GNAO1: variants seen among roughly 807,000 people sequenced by gnomAD.
GNAO1 encodes the protein G protein subunit alpha o1, also known as guanine nucleotide-binding protein G(o) subunit alpha.
For missense variants in GNAO1, 166 were observed against 478.7 expected, an observed-to-expected ratio of 0.35 and a Z score of 6.10; for synonymous variants, 164 against 180.7, an observed-to-expected ratio of 0.91 and a Z score of 0.74.
At chr16:56,192,780 C>CGGAG in intron 2 of GNAO1, 164 bp downstream of exon 2, 4 of 616,998 alleles carry the variant, frequency 6.5e-6, no homozygotes, top group Non-Finnish European at 1.2e-5. Context: ...TCCCCCACTC[C>CGGAG]CTACGTTGGT....
At chr16:56,205,835 C>T (rs1431427025) in intron 2 of GNAO1, among the ~76,000 whole-genome samples, 3 of 151,958 alleles carry the variant, frequency 2.0e-5, no homozygotes, top group Non-Finnish European at 4.4e-5. Context: ...TATAGTCATG[C>T]GTTCTAAAGG....
intron 2 of GNAO1, among the ~76,000 whole-genome samples, chr16:56,250,895 A>G (rs1227305298): frequency 2.0e-5 from 3 of 152,222 alleles, no homozygotes; most frequent in African/African-American, 7.2e-5. Context: ...GTTTTGGGGA[A>G]TGGAATATGT....
At chr16:56,256,502 T>G (rs1209191673) in intron 2 of GNAO1, among the ~76,000 whole-genome samples, 1 of 152,102 alleles carries the variant, frequency 6.6e-6, no homozygotes, top group Non-Finnish European at 1.5e-5. Flanking sequence ...CCACACCAGT[T>G]TTTCAGCCTT....
At chr16:56,201,566 G>A (rs900867538) in intron 2 of GNAO1, among the ~76,000 whole-genome samples, 66 of 152,218 alleles carry the variant, frequency 4.3e-4, no homozygotes, top group Non-Finnish European at 7.8e-4. Context: ...TGGAGGTTGG[G>A]AGACCAGATG....
chr16:56,240,449 C>G (rs1343664319), intron 2 of GNAO1, among the ~76,000 whole-genome samples: 1 of 152,150 alleles, frequency 6.6e-6, no homozygotes, highest in East Asian at 1.9e-4. Context: ...AGTTTTCAAC[C>G]ACTTTCCTAG....
intron 3 of GNAO1, among the ~76,000 whole-genome samples, chr16:56,324,562 T>C (rs1376839378): frequency 6.6e-6 from 1 of 152,196 alleles, no homozygotes; most frequent in African/African-American, 2.4e-5. Context: ...TCATAGGCCT[T>C]GCACTGTTTT....
chr16:56,274,204 C>T (rs2037042022), intron 2 of GNAO1, among the ~76,000 whole-genome samples: 1 of 152,198 alleles, frequency 6.6e-6, no homozygotes, highest in Non-Finnish European at 1.5e-5. Flanking sequence ...CTTGGTCTCC[C>T]TTCTCTCAGG....
chr16:56,219,215 C>T (rs1210367272), intron 2 of GNAO1, among the ~76,000 whole-genome samples: 1 of 152,194 alleles, frequency 6.6e-6, no homozygotes, highest in Non-Finnish European at 1.5e-5. Flanking sequence ...CCCACTGGGT[C>T]TTGTTTGAAA....
At chr16:56,256,049 T>C (rs1475661416) in intron 2 of GNAO1, among the ~76,000 whole-genome samples, 1 of 152,204 alleles carries the variant, frequency 6.6e-6, no homozygotes, top group Non-Finnish European at 1.5e-5. Context: ...TTGTGCACTG[T>C]TCGTTCTGAC....
chr16:56,299,396 C>G (rs567430876), intron 3 of GNAO1, among the ~76,000 whole-genome samples: 19 of 152,356 alleles, frequency 1.2e-4, no homozygotes, highest in Non-Finnish European at 2.4e-4. Flanking sequence ...CTAACTCTCT[C>G]AAATAAAAGC....
chr16:56,257,422 G>A (rs537820260), intron 2 of GNAO1, among the ~76,000 whole-genome samples: 2 of 152,294 alleles, frequency 1.3e-5, no homozygotes, highest in South Asian at 4.1e-4. Flanking sequence ...CTTCTTGGCA[G>A]CCAAGGCCAC....
chr16:56,264,331 C>T (rs1246730712), intron 2 of GNAO1, among the ~76,000 whole-genome samples: 6 of 152,248 alleles, frequency 3.9e-5, no homozygotes, highest in African/African-American at 1.2e-4. Context: ...CTGAGCATTA[C>T]GCTGCCGCTG....
Position 56,191,767 on chromosome 16 carries a change from T to C in GNAO1, c.-469T>C. On this transcript the variant is annotated 5_prime_UTR_variant, in exon 1 of 9. Transcript: ENST00000262493. The surrounding 1 kb of genome is among the most constrained non-coding windows in gnomAD (Gnocchi z 4.7). Reference sequence around the variant, plus strand: ...CACATCCCGCGCCGCCGCCGCCGCCTCCTCCACCTCCTCCTCCGCCGCCGC... The same window carrying C: ...CACATCCCGCGCCGCCGCCGCCGCCCCCTCCACCTCCTCCTCCGCCGCCGC... 1 of 214,384 alleles carries C rather than the reference T, an allele frequency of 4.7e-6. No homozygotes were observed. Among genetic ancestry groups the C allele is most frequent in the Admixed American group, 5.5e-5 (1 of 18,284 alleles). The allele number at this position is 214,384 out of a possible 1,614,324, so 13.3% of individuals were successfully genotyped here. A position where few individuals can be genotyped will look rare whatever the true frequency, so the allele number is the denominator to read the frequency against.
chr16:56,325,688 G>C (rs2037624448), intron 3 of GNAO1, among the ~76,000 whole-genome samples: 1 of 152,000 alleles, frequency 6.6e-6, no homozygotes, highest in Non-Finnish European at 1.5e-5. Context: ...ACCTCCTCCA[G>C]TGCTGAGCAT....
intron 5 of GNAO1, 80 bp downstream of exon 5, chr16:56,334,937 G>A (rs2037726348): frequency 8.1e-6 from 12 of 1,477,898 alleles, no homozygotes; most frequent in Non-Finnish European, 1.0e-5. Context: ...TGCGTTTACA[G>A]CGCCCAAACA....
At chr16:56,264,790 TA>T (rs1339650658) in intron 2 of GNAO1, among the ~76,000 whole-genome samples, 1 of 148,596 alleles carries the variant, frequency 6.7e-6, no homozygotes, top group Non-Finnish European at 1.5e-5. Flanking sequence ...AATATATTTT[TA>T]TCGTATAGTA....
intron 3 of GNAO1, among the ~76,000 whole-genome samples, chr16:56,297,392 C>G (rs1355279612): frequency 6.6e-6 from 1 of 152,090 alleles, no homozygotes; most frequent in East Asian, 1.9e-4. Context: ...TGCCCAGCAT[C>G]ACACAGCTGG....
At position 56,357,142 on chromosome 16, in the gene GNAO1, T is replaced by C. The variant is rs1178799649; in HGVS notation, c.*1068T>C. ...TTCATGACCAATCCTATGTCATTTC[T>C]ACTTTGACTAATACCCAAACCCTAA... On this transcript the variant is annotated 3_prime_UTR_variant, in exon 9 of 9. Transcript: ENST00000262493. 2.6e-5 allele frequency: 4 copies of C among 152,618 alleles called. No individual in the cohort carries two copies. Among genetic ancestry groups the C allele is most frequent in the Non-Finnish European group, 4.4e-5 (3 of 68,048 alleles). The allele number at this position is 152,618 out of a possible 1,614,324, so 9.5% of individuals were successfully genotyped here. A position where few individuals can be genotyped will look rare whatever the true frequency, so the allele number is the denominator to read the frequency against.
intron 2 of GNAO1, among the ~76,000 whole-genome samples, chr16:56,266,263 G>A (rs2036952455): frequency 6.6e-6 from 1 of 152,186 alleles, no homozygotes; most frequent in Non-Finnish European, 1.5e-5. Context: ...ATGAGAAGAG[G>A]AGGATGCCGT....
Sources: gnomAD v4.1 joint callset for allele counts (sites outside exome capture counted in the v4.1 genomes callset) on GRCh38, gnomAD v4.1.1 for gene constraint, Gnocchi (gnomAD v3.1) non-coding constraint, MANE v1.5 for transcripts, NCBI Gene and HGNC (gene_info 2026-07-23, HGNC 2026-07-21) for gene names.